ODAD1: variants seen among roughly 807,000 people sequenced by gnomAD.
ODAD1 encodes outer dynein arm-docking complex subunit 1.
A neutral mutation model predicts 67.2 loss-of-function variants in ODAD1; 49 were observed. That is an observed-to-expected ratio of 0.73 (90% CI 0.58 to 0.92). The LOEUF is 0.92. ODAD1 is among the 40% of genes least tolerant of loss of function. The pLI is 0.00. For synonymous variants in ODAD1, 345 were observed against 393.7 expected (o/e 0.88, Z 1.46); for missense variants, 897 against 953.7 (o/e 0.94, Z 0.78).
Position 48,297,999 on chromosome 19 carries a change from CAG to C in ODAD1, c.1501_1502del (p.Leu501ArgfsTer7), listed in dbSNP as rs758831079. ...TGCGTCCCTCCTGCCCTGCGCCTCA[CAG>C]AGTGTCAGGGGGCTGAAGTGGGGCC... ...KMAPLQPPDT[L>X]EDPPGFEASD... is the part of the protein sequence containing the mutation. On this transcript the variant is annotated frameshift_variant and splice_region_variant, in exon 14 of 16. Transcript: ENST00000674294. LOFTEE classifies it high-confidence loss of function. 1 of 1,611,406 alleles carries C rather than the reference CAG, an allele frequency of 6.2e-7. No individual in the cohort carries two copies. The highest frequency in any genetic ancestry group is 1.1e-5 in the South Asian group (1 of 91,026).
intron 5 of ODAD1, among the ~76,000 whole-genome samples, chr19:48,317,020 G>T (rs575914941): frequency 2.0e-5 from 3 of 152,132 alleles, no homozygotes; most frequent in African/African-American, 4.8e-5. Flanking sequence ...AAAAGAAAGT[G>T]GGTCTCTCTC....
At chr19:48,313,738 G>A (rs763603786) in intron 5 of ODAD1, among the ~76,000 whole-genome samples, 1 of 151,876 alleles carries the variant, frequency 6.6e-6, no homozygotes, top group African/African-American at 2.4e-5. Context: ...AAATAAATTA[G>A]CTGGGCATGG....
chr19:48,297,111 C>T lies in ODAD1; in HGVS notation c.1989G>A (p.Glu663=). The change falls in exon 16 of 16, where the codon GAG becomes GAA. Residue 663 remains glutamate (E), a synonymous_variant. Transcript: ENST00000674294. ...VGSSRGGENT[E]GGVESGGTAS... is the part of the protein sequence containing the mutation. ...CTGTGCCTCCGCTCTCCACACCACC[C>T]TCTGTGTTTTCTCCGCCCCTGCTGG... The T allele has an allele frequency of 6.2e-7, 1 of 1,613,654 alleles. No individual in the cohort carries two copies. Among genetic ancestry groups the T allele is most frequent in the South Asian group, 1.1e-5 (1 of 91,076 alleles).
chr19:48,303,325 G>A, intron 10 of ODAD1: 1 of 613,088 alleles, frequency 1.6e-6, no homozygotes, highest in Non-Finnish European at 2.9e-6. Flanking sequence ...GGGAAAGCCA[G>A]AGACTCGGCA....
Position 48,311,667 on chromosome 19 carries a change from C to T in ODAD1, c.484-1G>A. The T allele has an allele frequency of 6.5e-7, 1 of 1,533,886 alleles. No individual in the cohort carries two copies. Among genetic ancestry groups the T allele is most frequent in the South Asian group, 1.2e-5 (1 of 83,704 alleles). On this transcript the variant is annotated splice_acceptor_variant, in intron 6 of 15. Coordinates refer to ENST00000674294, the MANE Select transcript of ODAD1 (RefSeq NM_001364171.2). LOFTEE classifies it high-confidence loss of function. ...GCTGGTTGTCAAAGTGACAGGTGAC[C>T]TGGGAGTAGAAAGGTGGATGGAAGA... is the stretch of plus-strand genomic sequence containing the variant.
Position 48,298,317 on chromosome 19 carries a change from C to T in ODAD1, c.1264G>A (p.Ala422Thr), listed in dbSNP as rs1406249772. The part of the protein sequence containing the change: ...KADIQLLFTK[A>T]HCDSSMIDDL... ...TCGATCATGCTGCTGTCGCAATGGG[C>T]CTTGGTGAAGAGGAGCTGGATATCT... Residue 422 changes from alanine (A) to threonine (T), a missense_variant, in exon 13 of 16, where the codon GCC becomes ACC. Ala to Thr is a moderately conservative substitution (Grantham distance 58). Coordinates refer to ENST00000674294, the MANE Select transcript of ODAD1 (RefSeq NM_001364171.2). 6.2e-7 allele frequency: 1 copy of T among 1,614,132 alleles called. No homozygotes were observed. Among genetic ancestry groups the T allele is most frequent in the South Asian group, 1.1e-5 (1 of 91,082 alleles).
chr19:48,318,820 C>A lies in ODAD1; in HGVS notation c.71-8G>T, dbSNP rs774660192. 11 of 1,532,424 alleles carry A rather than the reference C, an allele frequency of 7.2e-6. No homozygotes were observed. The South Asian group carries it at 8.4e-5, about 12-fold the overall frequency. 94.9% of individuals were successfully genotyped at this position (1,532,424 alleles called of 1,614,324 possible). A position where few individuals can be genotyped will look rare whatever the true frequency, so the allele number is the denominator to read the frequency against. On this transcript the variant is annotated splice_region_variant and splice_polypyrimidine_tract_variant and intron_variant, in intron 3 of 15. Coordinates refer to ENST00000674294, the MANE Select transcript of ODAD1 (RefSeq NM_001364171.2). The stretch of plus-strand genomic sequence containing the variant: ...TACTCAGCTCCCAATCCACTGAGAA[C>A]AGGGCCAGCCAAGGGACTCAGCAGG...
Position 48,297,664 on chromosome 19 carries a change from C to T in ODAD1, c.1507G>A (p.Asp503Asn). Residue 503 changes from aspartate (D) to asparagine (N), a missense_variant, in exon 15 of 16, where the codon GAC (aspartate) becomes AAC (asparagine). Transcript: ENST00000674294. ...TCGCTGGCCTCAAAACCCGGGGGGT[C>T]TTCTCTGGGGAGGGGAAGGAAAATT... is the stretch of plus-strand genomic sequence containing the variant. ...APLQPPDTLE[D>N]PPGFEASDDY... is the part of the protein sequence containing the mutation. The T allele has an allele frequency of 6.6e-7, 1 of 1,509,956 alleles. No individual in the cohort carries two copies. Among genetic ancestry groups the T allele is most frequent in the Non-Finnish European group, 8.8e-7 (1 of 1,130,124 alleles). 93.5% of individuals were successfully genotyped at this position (1,509,956 alleles called of 1,614,324 possible).
intron 12 of ODAD1, among the ~76,000 whole-genome samples, chr19:48,299,188 C>G (rs1968390347): frequency 6.6e-6 from 1 of 152,148 alleles, no homozygotes; most frequent in African/African-American, 2.4e-5. Context: ...GCAGGCAGAT[C>G]ATTTGAGGTC....
intron 7 of ODAD1, among the ~76,000 whole-genome samples, chr19:48,308,716 A>G (rs10423820): frequency 0.33 from 50,870 of 152,060 alleles, 9,953 homozygotes; most frequent in African/African-American, 0.56. Flanking sequence ...CACCAGAACC[A>G]CAGCTGCAGA....
intron 7 of ODAD1, 87 bp downstream of exon 7, chr19:48,311,466 G>A (rs947366935): frequency 1.3e-6 from 1 of 759,524 alleles, no homozygotes; most frequent in Non-Finnish European, 2.3e-6. Flanking sequence ...CTTGAGGCCT[G>A]AGTGCTAGAG....
intron 7 of ODAD1, among the ~76,000 whole-genome samples, chr19:48,307,948 C>T (rs1386581647): frequency 6.6e-6 from 1 of 152,104 alleles, no homozygotes; most frequent in Non-Finnish European, 1.5e-5. Context: ...CCAGATTACC[C>T]AGACTATCTT....
In ODAD1 at chr19:48,297,077, A is replaced by C; in HGVS notation, c.2023T>G (p.Ser675Ala). Residue 675 changes from serine (S) to alanine (A), a missense_variant, in exon 16 of 16, where the codon TCG (serine) becomes GCG (alanine). Physicochemically the swap from Ser to Ala is moderately conservative, Grantham distance 99. Coordinates refer to ENST00000674294, the MANE Select transcript of ODAD1 (RefSeq NM_001364171.2). ...GVESGGTASD[S>A]SGGLGSSRDH... Reference sequence around the variant, plus strand: ...CTGCTGGACCCGAGGCCTCCGCTCGAATCAGACGCTGTGCCTCCGCTCTCC... The same window carrying C: ...CTGCTGGACCCGAGGCCTCCGCTCGCATCAGACGCTGTGCCTCCGCTCTCC... 1 of 1,613,236 alleles carries C rather than the reference A, an allele frequency of 6.2e-7. No individual in the cohort carries two copies. The highest frequency in any genetic ancestry group is 1.3e-5 in the African/African-American group (1 of 74,976).
chr19:48,304,498 A>G (rs1968555955), intron 8 of ODAD1, among the ~76,000 whole-genome samples: 1 of 152,130 alleles, frequency 6.6e-6, no homozygotes, highest in Admixed American at 6.6e-5. Flanking sequence ...GCATGCCTGT[A>G]ATCCCAACTA....
rs201233397 is a variant in ODAD1, at chr19:48,298,144, G to C, written c.1404+33C>G. The C allele has an allele frequency of 1.0e-3, 1,607 of 1,611,974 alleles. 24 individuals are homozygous for C. In the African/African-American group the frequency reaches 0.02, roughly 20 times the overall value. ...GGTCAGCTGGGCCACCCCCGAGACC[G>C]GCCTCCTGTCCCGGCTCCCTGCCGT... On this transcript the variant is annotated intron_variant, in intron 13 of 15. Coordinates refer to ENST00000674294, the MANE Select transcript of ODAD1 (RefSeq NM_001364171.2).
At position 48,302,686 on chromosome 19, in the gene ODAD1, G is replaced by A. The variant is rs975871396; in HGVS notation, c.1240+8C>T. 2 of 1,606,080 alleles carry A rather than the reference G, an allele frequency of 1.2e-6. No individual in the cohort carries two copies. Among genetic ancestry groups the A allele is most frequent in the Admixed American group, 1.7e-5 (1 of 59,934 alleles). On this transcript the variant is annotated splice_region_variant and intron_variant, in intron 12 of 15. Coordinates refer to ENST00000674294, the MANE Select transcript of ODAD1 (RefSeq NM_001364171.2). ...CAGGCTCGGGAGGGGGCGCCCATGGGTGCTCACCAGCCTTGAGCTTCTCCA... is the reference window on the plus strand; with the variant it reads ...CAGGCTCGGGAGGGGGCGCCCATGGATGCTCACCAGCCTTGAGCTTCTCCA...
At position 48,297,128 on chromosome 19, in the gene ODAD1, C is replaced by T. The variant is rs1230350081; in HGVS notation, c.1972G>A (p.Gly658Ser). ...ACACCACCCTCTGTGTTTTCTCCGC[C>T]CCTGCTGGACCCCACGTATCCAGTG... ...GSTGYVGSSRGGENTEGGVES... is the reference protein window; with the variant it reads ...GSTGYVGSSRSGENTEGGVES... The change falls in exon 16 of 16, where the codon GGC (glycine) becomes AGC (serine). Residue 658 changes from glycine to serine, a missense_variant. By Grantham distance (56) the Gly-to-Ser change is moderately conservative. Transcript: ENST00000674294. 1.9e-6 allele frequency: 3 copies of T among 1,613,926 alleles called. No individual in the cohort carries two copies. The highest frequency in any genetic ancestry group is 2.5e-6 in the Non-Finnish European group (3 of 1,180,014).
intron 7 of ODAD1, among the ~76,000 whole-genome samples, chr19:48,309,396 C>T (rs752794965): frequency 2.0e-5 from 3 of 152,176 alleles, no homozygotes; most frequent in Non-Finnish European, 4.4e-5. Flanking sequence ...CTGAGAGCTT[C>T]AGAGGCCTGC....
At chr19:48,303,166 A>G in intron 10 of ODAD1, 71 bp from the exon 11 acceptor site, 1 of 1,185,206 alleles carries the variant, frequency 8.4e-7, no homozygotes. Context: ...GAACAGAGAC[A>G]GAGAGGCATA....
Sources: allele counts gnomAD v4.1 joint callset (sites outside exome capture counted in the v4.1 genomes callset), GRCh38; gene constraint gnomAD v4.1.1; transcripts MANE v1.5; gene names NCBI Gene and HGNC (gene_info 2026-07-23, HGNC 2026-07-21).